The following CNTNAP2 variants were observed in gnomAD, a reference collection of about 807,000 sequenced individuals.
CNTNAP2 encodes contactin-associated protein-like 2.
In CNTNAP2, 98 loss-of-function variants were observed where a neutral mutation model predicts 155.2. The ratio of observed to expected loss-of-function variants is 0.63; its 90% CI spans 0.54 to 0.75. The LOEUF (loss-of-function observed/expected upper bound fraction) is 0.75, where lower values mean the gene tolerates loss of function less well. Ranked by LOEUF, CNTNAP2 falls within the 30% of genes least tolerant of loss-of-function variation. CNTNAP2 has a pLI of 0.00. For synonymous variants in CNTNAP2, 651 were observed against 631.2 expected, an observed-to-expected ratio of 1.03 and a Z score of -0.47; for missense variants, 1,727 against 1,688.1, an observed-to-expected ratio of 1.02 and a Z score of -0.40.
intron 15 of CNTNAP2, among the ~76,000 whole-genome samples, chr7:148,051,963 C>A (rs1218726589): frequency 2.6e-5 from 4 of 151,968 alleles, no homozygotes; most frequent in Non-Finnish European, 5.9e-5. Context: ...CACGGTGAAA[C>A]CCTGTCTCTA....
intron 1 of CNTNAP2, among the ~76,000 whole-genome samples, chr7:146,668,428 C>CTGTG (rs573459590): frequency 0.018 from 2,117 of 115,468 alleles, 41 homozygotes; most frequent in African/African-American, 0.049. Context: ...TGTAATTTTC[C>CTGTG]TGTGTGTGTG....
At chr7:146,973,040 C>CT (rs780484964) in intron 3 of CNTNAP2, among the ~76,000 whole-genome samples, 5 of 152,072 alleles carry the variant, frequency 3.3e-5, no homozygotes, top group Non-Finnish European at 7.4e-5. Flanking sequence ...CTCTCTCTCT[C>CT]TTTTTTAAAG....
intron 3 of CNTNAP2, among the ~76,000 whole-genome samples, chr7:147,002,854 C>A (rs1798449653): frequency 6.6e-6 from 1 of 150,828 alleles, no homozygotes; most frequent in Admixed American, 6.6e-5. Context: ...AAACTCCCCA[C>A]CTCCCAGTAT....
At chr7:146,313,285 A>T (rs968504800) in intron 1 of CNTNAP2, among the ~76,000 whole-genome samples, 2 of 152,126 alleles carry the variant, frequency 1.3e-5, no homozygotes, top group Admixed American at 6.5e-5. Flanking sequence ...CTGTGGCTTT[A>T]ATTTGCATTT....
intron 1 of CNTNAP2, among the ~76,000 whole-genome samples, chr7:146,526,795 A>G (rs1044340052): frequency 2.0e-5 from 3 of 152,192 alleles, no homozygotes; most frequent in Non-Finnish European, 2.9e-5. Flanking sequence ...AAGTTCCCAG[A>G]AGTTGGGTTT....
intron 12 of CNTNAP2, among the ~76,000 whole-genome samples, chr7:147,616,660 C>G (rs1801299627): frequency 6.6e-6 from 1 of 152,130 alleles, no homozygotes; most frequent in Admixed American, 6.6e-5. Flanking sequence ...CTCTCTCACT[C>G]CTCAATCATT....
intron 12 of CNTNAP2, among the ~76,000 whole-genome samples, chr7:147,572,802 C>T (rs1800320915): frequency 6.6e-6 from 1 of 151,994 alleles, no homozygotes; most frequent in Admixed American, 6.6e-5. Flanking sequence ...CAGGAATAAT[C>T]TCATACTTTT....
At chr7:146,183,435 G>C (rs994437389) in intron 1 of CNTNAP2, among the ~76,000 whole-genome samples, 3 of 151,838 alleles carry the variant, frequency 2.0e-5, no homozygotes, top group Non-Finnish European at 4.4e-5. Context: ...CAAGCCTTTG[G>C]TAATGAGTTT....
At chr7:148,083,620 T>A (rs1296010874) in intron 15 of CNTNAP2, among the ~76,000 whole-genome samples, 1 of 152,198 alleles carries the variant, frequency 6.6e-6, no homozygotes, top group Non-Finnish European at 1.5e-5. Context: ...CCTTTCCTTT[T>A]ATGCATGAAA....
intron 8 of CNTNAP2, among the ~76,000 whole-genome samples, chr7:147,224,145 C>T (rs886507672): frequency 1.3e-5 from 2 of 151,926 alleles, no homozygotes; most frequent in African/African-American, 4.8e-5. Flanking sequence ...AGCAGTTTGC[C>T]CTGTGACCTT....
chr7:148,257,259 T>C (rs1796470983), intron 20 of CNTNAP2, among the ~76,000 whole-genome samples: 1 of 152,182 alleles, frequency 6.6e-6, no homozygotes, highest in Admixed American at 6.5e-5. Flanking sequence ...CCATCTGCAG[T>C]TACCTGCAGG....
intron 14 of CNTNAP2, among the ~76,000 whole-genome samples, chr7:147,924,054 C>G (rs1800335561): frequency 6.6e-6 from 1 of 152,106 alleles, no homozygotes; most frequent in Non-Finnish European, 1.5e-5. Context: ...CTAAGCCAGT[C>G]TGATGATGTT....
chr7:147,676,192 G>A (rs1172175173), intron 13 of CNTNAP2, among the ~76,000 whole-genome samples: 5 of 151,866 alleles, frequency 3.3e-5, no homozygotes. Flanking sequence ...GACATACGAT[G>A]ACTAATTTTG....
At chr7:147,327,578 C>A (rs999762544) in intron 9 of CNTNAP2, among the ~76,000 whole-genome samples, 1 of 152,034 alleles carries the variant, frequency 6.6e-6, no homozygotes, top group African/African-American at 2.4e-5. Context: ...ATTTTAGAAA[C>A]CTCTAAAATG....
chr7:148,131,422 TGTG>T (rs1219647122), intron 16 of CNTNAP2, among the ~76,000 whole-genome samples: 1 of 152,154 alleles, frequency 6.6e-6, no homozygotes, highest in Non-Finnish European at 1.5e-5. Flanking sequence ...ATTTACTCTA[TGTG>T]GTAGTTCATG....
At chr7:147,775,267 TTATA>T (rs1157979534) in intron 13 of CNTNAP2, among the ~76,000 whole-genome samples, 6 of 73,726 alleles carry the variant, frequency 8.1e-5, no homozygotes, top group African/African-American at 2.8e-4. Context: ...ATAAATATAT[TTATA>T]TATATATTTA....
chr7:146,774,344 C>T lies in CNTNAP2; in HGVS notation c.171C>T (p.Ser57=), dbSNP rs1802350609. 1.9e-6 allele frequency: 3 copies of T among 1,614,026 alleles called. No individual in the cohort carries two copies. In the Admixed American group the frequency reaches 5.0e-5, roughly 27 times the overall value. The change falls in exon 2 of 24, where the codon AGC becomes AGT. Residue 57 remains serine (S), a synonymous_variant. Coordinates refer to ENST00000361727, the MANE Select transcript of CNTNAP2 (RefSeq NM_014141.6). ...GCAGCTCCTCCTCCATCTCTGGTAG[C>T]TATTCTCCCGGCTATGCCAAGATAA... ...AFSSSSSISG[S]YSPGYAKINK... is the part of the protein sequence containing the mutation.
chr7:148,029,023 A>C (rs1376722024), intron 15 of CNTNAP2, among the ~76,000 whole-genome samples: 1 of 152,152 alleles, frequency 6.6e-6, no homozygotes, highest in South Asian at 2.1e-4. Flanking sequence ...TCCATTTTTC[A>C]TTATTAAAAT....
chr7:147,226,092 A>G (rs1427043699), intron 8 of CNTNAP2, among the ~76,000 whole-genome samples: 1 of 152,218 alleles, frequency 6.6e-6, no homozygotes, highest in African/African-American at 2.4e-5. Flanking sequence ...TTTCAATTCT[A>G]ATATCAGCAC....
Sources: gnomAD v4.1 joint callset for allele counts (sites outside exome capture counted in the v4.1 genomes callset) on GRCh38, gnomAD v4.1.1 for gene constraint, MANE v1.5 for transcripts, NCBI Gene and HGNC (gene_info 2026-07-23, HGNC 2026-07-21) for gene names.